The following FRMPD3 variants were observed in gnomAD, a reference collection of about 807,000 sequenced individuals.
FRMPD3 encodes FERM and PDZ domain-containing protein 3.
FRMPD3 carries 42 observed loss-of-function variants against 97.9 expected under a neutral mutation model. The ratio of observed to expected loss-of-function variants is 0.43; its 90% CI spans 0.34 to 0.55. The LOEUF (loss-of-function observed/expected upper bound fraction) is 0.55, where lower values mean the gene tolerates loss of function less well. FRMPD3 is among the 20% of genes least tolerant of loss of function. The pLI, the probability that FRMPD3 is intolerant of heterozygous loss-of-function variation, is 0.03. For missense variants in FRMPD3, 1,303 were observed against 1,457.7 expected (o/e 0.89, Z 1.73); for synonymous variants, 577 against 581.1 (o/e 0.99, Z 0.10).
intron 13 of FRMPD3, among the ~76,000 whole-genome samples, chrX:107,593,652 G>C (rs1442569644): frequency 9.0e-6 from 1 of 111,669 alleles, no homozygotes; most frequent in African/African-American, 3.3e-5. Flanking sequence ...TGAAAAGGGT[G>C]TCCTTTCCCC....
chrX:107,469,471 A>G (rs1056870040), intron 1 of FRMPD3, among the ~76,000 whole-genome samples: 1 of 112,390 alleles, frequency 8.9e-6, no homozygotes. Context: ...TGTGGGAATT[A>G]TGGGAGCTAC....
At chrX:107,465,049 T>C (rs1323991831) in intron 1 of FRMPD3, among the ~76,000 whole-genome samples, 1 of 112,137 alleles carries the variant, frequency 8.9e-6, no homozygotes, top group Non-Finnish European at 1.9e-5. Context: ...TGAGGCATCA[T>C]GCCCAATGGG....
intron 1 of FRMPD3, among the ~76,000 whole-genome samples, chrX:107,467,014 G>GTGTT (rs1170513039): frequency 9.2e-6 from 1 of 109,105 alleles, no homozygotes; most frequent in Non-Finnish European, 1.9e-5. Context: ...GTGTGTGTGT[G>GTGTT]TGTGTGTGTG....
At chrX:107,544,725 C>T (rs970363282) in intron 4 of FRMPD3, 8 of 111,603 alleles carry the variant, frequency 7.2e-5, no homozygotes, top group Non-Finnish European at 1.5e-4. Flanking sequence ...CCAAGGGGCA[C>T]CCAGGAAAGG....
intron 13 of FRMPD3, among the ~76,000 whole-genome samples, chrX:107,596,261 A>G (rs180996554): frequency 1.8e-5 from 2 of 112,177 alleles, no homozygotes; most frequent in Admixed American, 1.9e-4. Context: ...ACCTAGGCGG[A>G]AATCCAGTCT....
At chrX:107,476,905 C>T (rs1400876952) in intron 1 of FRMPD3, among the ~76,000 whole-genome samples, 1 of 112,422 alleles carries the variant, frequency 8.9e-6, no homozygotes, top group Non-Finnish European at 1.9e-5. Flanking sequence ...TTTGTAGTCT[C>T]AGCTCAGTCC....
At chrX:107,588,733 C>T (rs1378977809) in intron 13 of FRMPD3, among the ~76,000 whole-genome samples, 2 of 112,100 alleles carry the variant, frequency 1.8e-5, no homozygotes. Context: ...TAGGTTTGGT[C>T]TTTTTACAGA....
intron 1 of FRMPD3, among the ~76,000 whole-genome samples, chrX:107,451,304 G>C (rs758910480): frequency 5.2e-4 from 58 of 112,384 alleles, no homozygotes; most frequent in Non-Finnish European, 9.8e-4. Context: ...GCTCCCTTGG[G>C]GGCGCCCTTC....
intron 4 of FRMPD3, among the ~76,000 whole-genome samples, chrX:107,544,008 G>A (rs928531485): frequency 1.6e-4 from 18 of 110,993 alleles, no homozygotes; most frequent in African/African-American, 5.2e-4. Flanking sequence ...TGAAGAAAAT[G>A]TGGTATAAAT....
intron 1 of FRMPD3, among the ~76,000 whole-genome samples, chrX:107,480,751 C>T (rs1921322683): frequency 1.9e-5 from 2 of 104,311 alleles, no homozygotes; most frequent in South Asian, 4.4e-4. Flanking sequence ...ATTGCTTGAA[C>T]CCGGGGGGCG....
chrX:107,488,515 T>G (rs954171475), intron 1 of FRMPD3, among the ~76,000 whole-genome samples: 37 of 112,364 alleles, frequency 3.3e-4, no homozygotes, highest in African/African-American at 1.1e-3. Context: ...TGACAGGACT[T>G]TCCCAAGTGC....
At chrX:107,582,097 T>TAAAG (rs955150774) in intron 13 of FRMPD3, among the ~76,000 whole-genome samples, 4 of 112,001 alleles carry the variant, frequency 3.6e-5, no homozygotes, top group African/African-American at 1.3e-4. Context: ...AATTGTTTTT[T>TAAAG]AAAGAGACTG....
intron 4 of FRMPD3, among the ~76,000 whole-genome samples, chrX:107,537,007 C>T (rs1923268767): frequency 9.0e-6 from 1 of 111,392 alleles, no homozygotes; most frequent in Non-Finnish European, 1.9e-5. Context: ...GGGCGTAACA[C>T]TCACCCCAAT....
intron 13 of FRMPD3, among the ~76,000 whole-genome samples, chrX:107,576,918 T>C (rs1923142552): frequency 9.0e-6 from 1 of 110,570 alleles, no homozygotes; most frequent in Non-Finnish European, 1.9e-5. Context: ...GTAGATGCAG[T>C]AAGTGCTCCC....
chrX:107,488,573 G>A (rs1477858560), intron 1 of FRMPD3, among the ~76,000 whole-genome samples: 4 of 111,927 alleles, frequency 3.6e-5, no homozygotes, highest in South Asian at 3.7e-4. Flanking sequence ...TAGAGACACC[G>A]TTACCACAAA....
intron 1 of FRMPD3, among the ~76,000 whole-genome samples, chrX:107,492,096 C>T (rs1462750639): frequency 9.0e-6 from 1 of 111,675 alleles, no homozygotes; most frequent in African/African-American, 3.3e-5. Flanking sequence ...TTTGAAAATG[C>T]CAGGCTCCTC....
chrX:107,602,891 A>G lies in FRMPD3; in HGVS notation c.4852A>G (p.Lys1618Glu). The change falls in exon 15 of 15, where the codon AAG (lysine) becomes GAG (glutamate). Residue 1618 changes from lysine (K) to glutamate (E), a missense_variant. Physicochemically the swap from Lys to Glu is moderately conservative, Grantham distance 56. Transcript: ENST00000683843. ...GGCCAGCCCCGAGGCCCGTGCCCCC[A>G]AGCCCTATGTGTCTCAGATCTCCGA... ...CVASPEARAP[K>E]PYVSQISEYK... The G allele has an allele frequency of 8.3e-7, 1 of 1,210,924 alleles. No homozygotes were observed. The highest frequency in any genetic ancestry group is 1.1e-6 in the Non-Finnish European group (1 of 895,360).
intron 13 of FRMPD3, among the ~76,000 whole-genome samples, chrX:107,583,850 C>G (rs1923513600): frequency 9.2e-6 from 1 of 108,718 alleles, no homozygotes; most frequent in Non-Finnish European, 1.9e-5. Context: ...TGATGTTGAG[C>G]ATTTTTTTCT....
intron 1 of FRMPD3, chrX:107,522,593 TCCTA>T: frequency 2.3e-6 from 1 of 434,214 alleles, no homozygotes; most frequent in South Asian, 3.7e-5. Flanking sequence ...CCTCTTCATC[TCCTA>T]CCTAGAAGGC....
Sources: gnomAD v4.1 joint callset for allele counts (sites outside exome capture counted in the v4.1 genomes callset) on GRCh38, gnomAD v4.1.1 for gene constraint, MANE v1.5 for transcripts, NCBI Gene and HGNC (gene_info 2026-07-23, HGNC 2026-07-21) for gene names.